KDM5B: variants seen among roughly 807,000 people sequenced by gnomAD.
KDM5B encodes the protein lysine-specific demethylase 5B.
KDM5B carries 144 observed loss-of-function variants against 193.4 expected under a neutral mutation model. That is an observed-to-expected ratio of 0.74 (90% confidence interval 0.65 to 0.86). The LOEUF (loss-of-function observed/expected upper bound fraction) is 0.86, where lower values mean the gene tolerates loss of function less well. Ranked by LOEUF, KDM5B falls within the 40% of genes least tolerant of loss-of-function variation. The probability of loss-of-function intolerance (pLI) is 0.00; values close to 1 mark genes in which losing one functional copy is unlikely to be tolerated. For synonymous variants in KDM5B, 668 were observed against 682.6 expected (o/e 0.98, Z 0.33); for missense variants, 1,833 against 1,886.9 (o/e 0.97, Z 0.53).
chr1:202,733,542 A>G lies in KDM5B; in HGVS notation c.3768T>C (p.Ile1256=), dbSNP rs1434570057. ...LPEGDALRYM[I]ERTVNWQHRA... ...TGTGCTGCCAGTTCACGGTTCTTTC[A>G]ATCATATATCGAAGTGCATCTCCCT... Residue 1256 remains isoleucine, a synonymous_variant, in exon 23 of 27, where the codon ATT becomes ATC. Coordinates refer to ENST00000367265, the MANE Select transcript of KDM5B (RefSeq NM_006618.5). 1 of 1,614,104 alleles carries G rather than the reference A, an allele frequency of 6.2e-7. No homozygotes were observed. Among genetic ancestry groups the G allele is most frequent in the Non-Finnish European group, 8.5e-7 (1 of 1,180,006 alleles).
At chr1:202,747,034 T>C (rs2102244319) in intron 14 of KDM5B, among the ~76,000 whole-genome samples, 1 of 152,318 alleles carries the variant, frequency 6.6e-6, no homozygotes, top group East Asian at 1.9e-4. Flanking sequence ...CAAACTTCTA[T>C]CACCTTTTCT....
intron 19 of KDM5B, 92 bp from the exon 20 acceptor site, chr1:202,740,904 C>A: frequency 7.8e-7 from 1 of 1,288,254 alleles, no homozygotes. Context: ...AAAGGAAATT[C>A]AGTATGGCAA....
chr1:202,731,994 C>A, intron 23 of KDM5B, 55 bp from the exon 24 acceptor site: 4 of 1,077,464 alleles, frequency 3.7e-6, no homozygotes, highest in Non-Finnish European at 5.4e-6. Flanking sequence ...AAAATACTCC[C>A]ATTAGTCCAA....
chr1:202,795,575 C>T (rs753672134), intron 1 of KDM5B, among the ~76,000 whole-genome samples: 10 of 151,748 alleles, frequency 6.6e-5, no homozygotes, highest in Non-Finnish European at 1.0e-4. Context: ...TCACTTGAAC[C>T]CAGAGGCAGA....
At chr1:202,772,752 A>G (rs56016923) in intron 4 of KDM5B, among the ~76,000 whole-genome samples, 2,485 of 152,108 alleles carry the variant, frequency 0.016, 73 homozygotes, top group African/African-American at 0.057. Context: ...GCTTGAGTGA[A>G]GTGGCACCAT....
intron 7 of KDM5B, 121 bp downstream of exon 7, chr1:202,762,577 TA>T: frequency 1.5e-6 from 1 of 679,738 alleles, no homozygotes; most frequent in Middle Eastern, 2.5e-4. Context: ...TGTCAGACAC[TA>T]AGTTAAACAA....
At chr1:202,732,994 T>A (rs1446600925) in intron 23 of KDM5B, among the ~76,000 whole-genome samples, 1 of 152,124 alleles carries the variant, frequency 6.6e-6, no homozygotes, top group Non-Finnish European at 1.5e-5. Flanking sequence ...CAAAAAGCGA[T>A]AAAAGGCAGG....
chr1:202,807,671 C>T (rs1658361082), intron 1 of KDM5B, among the ~76,000 whole-genome samples: 1 of 141,394 alleles, frequency 7.1e-6, no homozygotes, highest in Non-Finnish European at 1.5e-5. Context: ...CCATCACACA[C>T]CCCCGCACCC....
rs928461804 is a variant in KDM5B at position 202,742,423 on chromosome 1, GAAGAGCATACAGCTGTGTTAC to G, written c.2536_2556del (p.Val846_Leu852del). 1 of 1,613,904 alleles carries G rather than the reference GAAGAGCATACAGCTGTGTTAC, an allele frequency of 6.2e-7. No homozygotes were observed. The highest frequency in any genetic ancestry group is 1.3e-5 in the African/African-American group (1 of 74,936). ...AATGGTGTCTGACTGAGGACACATG[GAAGAGCATACAGCTGTGTTAC>G]AAACTGCCGGAGCTCATTCACTGTC... On this transcript the variant is annotated inframe_deletion, in exon 18 of 27. Coordinates refer to ENST00000367265, the MANE Select transcript of KDM5B (RefSeq NM_006618.5).
At chr1:202,774,764 T>G in intron 2 of KDM5B, 29 bp from the exon 3 acceptor site, 3 of 1,601,686 alleles carry the variant, frequency 1.9e-6, no homozygotes, top group Non-Finnish European at 2.6e-6. Context: ...AGTTTTCATC[T>G]CATTTAGCTT....
chr1:202,733,685 T>C lies in KDM5B; in HGVS notation c.3625A>G (p.Ile1209Val), dbSNP rs1328387956. 1.9e-6 allele frequency: 3 copies of C among 1,614,126 alleles called. No individual in the cohort carries two copies. Among genetic ancestry groups the C allele is most frequent in the Non-Finnish European group, 2.5e-6 (3 of 1,180,010 alleles). ...FHTSCVAVPSISQGLRIWLCP... is the reference protein window; with the variant it reads ...FHTSCVAVPSVSQGLRIWLCP... ...AGCCAGATTCGCAGGCCCTGTGAAA[T>C]ACTGGGTACCGCCACACAACTGGTG... Residue 1209 changes from isoleucine (I) to valine (V), a missense_variant, in exon 23 of 27, where the codon ATT becomes GTT. By Grantham distance (29) the Ile-to-Val change is conservative. Around this residue, in one of 3 missense-constraint regions of KDM5B, gnomAD observed 1,379 missense variants for 1,349.6 expected, o/e 1.02. Transcript: ENST00000367265.
At position 202,748,937 on chromosome 1, in the gene KDM5B, A is replaced by G. The variant is rs776315176; in HGVS notation, c.2016+8T>C. 6.2e-7 allele frequency: 1 copy of G among 1,604,296 alleles called. No individual in the cohort carries two copies. The highest frequency in any genetic ancestry group is 8.5e-7 in the Non-Finnish European group (1 of 1,175,148). On this transcript the variant is annotated splice_region_variant and intron_variant, in intron 14 of 26. Transcript: ENST00000367265. ...GACAACATGCAGTTGGATTTCCATA[A>G]GCCTTACCAATTTACGGACAGTTTC... is the stretch of plus-strand genomic sequence containing the variant.
intron 1 of KDM5B, among the ~76,000 whole-genome samples, chr1:202,805,973 A>T (rs1400589521): frequency 6.6e-6 from 1 of 152,052 alleles, no homozygotes; most frequent in Non-Finnish European, 1.5e-5. Context: ...TGCCTCTTTA[A>T]CCCCTTTCCT....
At chr1:202,804,537 G>A (rs1034829203) in intron 1 of KDM5B, among the ~76,000 whole-genome samples, 2 of 152,110 alleles carry the variant, frequency 1.3e-5, no homozygotes, top group African/African-American at 4.8e-5. Context: ...TCTAGGAGTG[G>A]AACCAACAGG....
rs1658398727 is a variant in KDM5B at position 202,808,281 on chromosome 1, G to C, written c.25C>G (p.Pro9Ala). The change falls in exon 1 of 27, where the codon CCA becomes GCA. Residue 9 changes from proline (P) to alanine (A), a missense_variant. Physicochemically the swap from Pro to Ala is conservative, Grantham distance 27. Transcript: ENST00000367265. MEAATTLH[P>A]GPRPALPLGG... ...AGGGGCAGCGCCGGGCGCGGGCCTG[G>C]GTGCAGTGTGGTGGCCGCCTCCATC... The C allele has an allele frequency of 6.2e-7, 1 of 1,604,024 alleles. No individual in the cohort carries two copies. The highest frequency in any genetic ancestry group is 1.3e-5 in the African/African-American group (1 of 74,616).
At chr1:202,780,668 A>G (rs1265428278) in intron 1 of KDM5B, among the ~76,000 whole-genome samples, 3 of 152,176 alleles carry the variant, frequency 2.0e-5, no homozygotes, top group Non-Finnish European at 4.4e-5. Context: ...CCACTCAGCT[A>G]TAATAAAAAA....
chr1:202,753,492 T>C (rs543603631), intron 11 of KDM5B, among the ~76,000 whole-genome samples: 68 of 151,854 alleles, frequency 4.5e-4, no homozygotes, highest in African/African-American at 1.6e-3. Flanking sequence ...CAAGACTCCA[T>C]CTCAAAAAAA....
At position 202,796,061 on chromosome 1, in the gene KDM5B, C is replaced by A. The variant is rs540723867; in HGVS notation, c.204+12041G>T. 3 of 205,072 alleles carry A rather than the reference C, an allele frequency of 1.5e-5. No homozygotes were observed. The East Asian group carries it at 4.9e-4, about 34-fold the overall frequency. 12.7% of individuals were successfully genotyped at this position (205,072 alleles called of 1,614,324 possible). A position where few individuals can be genotyped will look rare whatever the true frequency, so the allele number is the denominator to read the frequency against. ...GACAGGACTCTGGGGGCATTAGCTC[C>A]CTCCAACAAATGGTGGTCTCACGTT... On this transcript the variant is annotated intron_variant, in intron 1 of 26. Coordinates refer to ENST00000367265, the MANE Select transcript of KDM5B (RefSeq NM_006618.5).
intron 20 of KDM5B, among the ~76,000 whole-genome samples, chr1:202,736,645 T>G (rs140336624): frequency 6.6e-6 from 1 of 151,006 alleles, no homozygotes; most frequent in Non-Finnish European, 1.5e-5. Flanking sequence ...GTAGTGTTGT[T>G]TTTTTTTTCT....
Sources: allele counts gnomAD v4.1 joint callset (sites outside exome capture counted in the v4.1 genomes callset), GRCh38; gene constraint gnomAD v4.1.1; regional missense constraint gnomAD v4.1.1; transcripts MANE v1.5; gene names NCBI Gene and HGNC (gene_info 2026-07-23, HGNC 2026-07-21).